The following ITPR1 variants were observed in gnomAD, a reference collection of about 807,000 sequenced individuals.
The protein encoded by ITPR1 is inositol 1,4,5-trisphosphate receptor type 1.
ITPR1 carries 96 observed loss-of-function variants against 318.4 expected under a neutral mutation model. That is an observed-to-expected ratio of 0.30 (90% CI 0.26 to 0.36). The LOEUF (loss-of-function observed/expected upper bound fraction) is 0.36, where lower values mean the gene tolerates loss of function less well. Ranked by LOEUF, ITPR1 falls within the 10% of genes least tolerant of loss-of-function variation. The probability of loss-of-function intolerance (pLI) is 1.00; values close to 1 mark genes in which losing one functional copy is unlikely to be tolerated. For missense variants in ITPR1, 2,440 were observed against 3,460.2 expected, an observed-to-expected ratio of 0.71 and a Z score of 7.40; for synonymous variants, 1,312 against 1,289.9, an observed-to-expected ratio of 1.02 and a Z score of -0.37.
chr3:4,770,323 G>A (rs1380993752), intron 46 of ITPR1, among the ~76,000 whole-genome samples: 1 of 152,158 alleles, frequency 6.6e-6, no homozygotes, highest in Non-Finnish European at 1.5e-5. Flanking sequence ...AAATTATATT[G>A]TTAATTAGTA....
chr3:4,711,820 A>C lies in ITPR1; in HGVS notation c.5055A>C (p.Leu1685=), dbSNP rs886058618. 5 of 1,551,820 alleles carry C rather than the reference A, an allele frequency of 3.2e-6. No individual in the cohort carries two copies. The East Asian group carries it at 1.2e-4, about 38-fold the overall frequency. The change falls in exon 39 of 62, where the codon CTA becomes CTC. Residue 1685 remains leucine (L), a synonymous_variant. Coordinates refer to ENST00000649015, the MANE Select transcript of ITPR1 (RefSeq NM_001378452.1). ...AAGAGAAGCTCTGCATTAAGGTCCT[A>C]CAGACCCTGAGGGAAATGATGACCA... ...ENEEKLCIKV[L]QTLREMMTKD...
At chr3:4,804,199 C>T (rs1267444149) in intron 54 of ITPR1, among the ~76,000 whole-genome samples, 1 of 152,106 alleles carries the variant, frequency 6.6e-6, no homozygotes, top group African/African-American at 2.4e-5. Context: ...GAGAGAAACA[C>T]CCACATGGAA....
intron 40 of ITPR1, among the ~76,000 whole-genome samples, chr3:4,721,752 C>T (rs1414844494): frequency 3.9e-5 from 6 of 152,030 alleles, no homozygotes; most frequent in Admixed American, 3.9e-4. Context: ...TTCTAGAAGC[C>T]CCAGGGTAGG....
chr3:4,597,154 T>C (rs2090894012), intron 4 of ITPR1, among the ~76,000 whole-genome samples: 1 of 152,184 alleles, frequency 6.6e-6, no homozygotes, highest in Admixed American at 6.5e-5. Context: ...TTGTTTGTTT[T>C]TTAAGGAAAA....
chr3:4,541,638 T>G (rs998165044), intron 4 of ITPR1, among the ~76,000 whole-genome samples: 1 of 152,172 alleles, frequency 6.6e-6, no homozygotes, highest in African/African-American at 2.4e-5. Flanking sequence ...ACCACTTTTT[T>G]TTTTTTGAGA....
At chr3:4,644,517 C>T (rs919114447) in intron 8 of ITPR1, among the ~76,000 whole-genome samples, 1 of 152,168 alleles carries the variant, frequency 6.6e-6, no homozygotes, top group Non-Finnish European at 1.5e-5. Flanking sequence ...GAGATGAACC[C>T]TTTTACTAAT....
intron 4 of ITPR1, among the ~76,000 whole-genome samples, chr3:4,614,678 C>G (rs1253753168): frequency 6.6e-6 from 1 of 152,190 alleles, no homozygotes. Context: ...GCATGACATG[C>G]AACTTGAGCT....
At chr3:4,808,603 G>A (rs977225288) in intron 55 of ITPR1, among the ~76,000 whole-genome samples, 6 of 152,168 alleles carry the variant, frequency 3.9e-5, no homozygotes, top group Admixed American at 2.6e-4. Context: ...ACCTTGACTT[G>A]TTTGTGTCTT....
At position 4,642,078 on chromosome 3, in the gene ITPR1, T is replaced by C; in HGVS notation, c.367-15T>C. On this transcript the variant is annotated splice_polypyrimidine_tract_variant and intron_variant, in intron 6 of 61. Transcript: ENST00000649015. Reference sequence around the variant, plus strand: ...ATTTGCTGACACTCACTTTATTCTCTTGGTGGGTTTTTAGCTCCTGCATTT... The same window carrying C: ...ATTTGCTGACACTCACTTTATTCTCCTGGTGGGTTTTTAGCTCCTGCATTT... 6.4e-7 allele frequency: 1 copy of C among 1,569,086 alleles called. No homozygotes were observed. Among genetic ancestry groups the C allele is most frequent in the Non-Finnish European group, 8.6e-7 (1 of 1,159,116 alleles).
At chr3:4,718,937 C>T (rs958974627) in intron 40 of ITPR1, among the ~76,000 whole-genome samples, 6 of 152,128 alleles carry the variant, frequency 3.9e-5, no homozygotes, top group Non-Finnish European at 7.3e-5. Flanking sequence ...TTAAATTTTT[C>T]CTCTGAAATA....
At chr3:4,837,099 C>A (rs1208367456) in intron 61 of ITPR1, among the ~76,000 whole-genome samples, 164 bp downstream of exon 61, 2 of 152,082 alleles carry the variant, frequency 1.3e-5, no homozygotes, top group Non-Finnish European at 2.9e-5. Flanking sequence ...GTCTCCTCAC[C>A]CCAATCCCCT....
intron 35 of ITPR1, 21 bp from the exon 36 acceptor site, chr3:4,702,809 G>C (rs754383198): frequency 1.2e-6 from 2 of 1,611,804 alleles, no homozygotes; most frequent in Non-Finnish European, 1.7e-6. Flanking sequence ...TTTTCACGTT[G>C]CCTCTTTTGG....
At chr3:4,655,941 G>C (rs554114679) in intron 12 of ITPR1, among the ~76,000 whole-genome samples, 1 of 152,278 alleles carries the variant, frequency 6.6e-6, no homozygotes, top group Non-Finnish European at 1.5e-5. Context: ...TCTTGGTTTG[G>C]AAACTTGGAT....
intron 8 of ITPR1, among the ~76,000 whole-genome samples, chr3:4,644,706 CTTCCTTG>C (rs1249990508): frequency 6.6e-6 from 1 of 152,194 alleles, no homozygotes; most frequent in African/African-American, 2.4e-5. Flanking sequence ...AAGGATGTTA[CTTCCTTG>C]TGACATAAAT....
At chr3:4,561,997 G>A (rs932180203) in intron 4 of ITPR1, among the ~76,000 whole-genome samples, 4 of 152,006 alleles carry the variant, frequency 2.6e-5, no homozygotes, top group Non-Finnish European at 4.4e-5. Context: ...TAAAACAGGG[G>A]TGTCCAATCT....
Position 4,661,155 on chromosome 3 carries a change from C to T in ITPR1, c.1251+68C>T, listed in dbSNP as rs1459004182. The T allele has an allele frequency of 1.3e-5, 12 of 891,136 alleles. No homozygotes were observed. In the East Asian group the frequency reaches 2.7e-4, roughly 20 times the overall value. 55.2% of individuals were successfully genotyped at this position (891,136 alleles called of 1,614,324 possible). On this transcript the variant is annotated intron_variant, in intron 14 of 61. Coordinates refer to ENST00000649015, the MANE Select transcript of ITPR1 (RefSeq NM_001378452.1). ...CCTAATGAAAGGGCTCCTTTGAGGA[C>T]AGATCAGGGAGTATGGAGCGTGGAG...
At chr3:4,680,923 C>T (rs1432066615) in intron 25 of ITPR1, among the ~76,000 whole-genome samples, 1 of 152,132 alleles carries the variant, frequency 6.6e-6, no homozygotes, top group African/African-American at 2.4e-5. Context: ...AGTGATGAGA[C>T]AGTTGAGGTT....
intron 51 of ITPR1, among the ~76,000 whole-genome samples, chr3:4,787,150 A>C (rs1048714028): frequency 6.6e-6 from 1 of 152,088 alleles, no homozygotes; most frequent in Non-Finnish European, 1.5e-5. Context: ...GAACCATTCC[A>C]TCATTACAGA....
At chr3:4,538,795 A>G (rs148545523) in intron 4 of ITPR1, among the ~76,000 whole-genome samples, 3,659 of 152,280 alleles carry the variant, frequency 0.024, 108 homozygotes, top group East Asian at 0.11. Flanking sequence ...CAAACATTGC[A>G]TGTTCTCACT....
Sources: allele counts gnomAD v4.1 joint callset (sites outside exome capture counted in the v4.1 genomes callset), GRCh38; gene constraint gnomAD v4.1.1; transcripts MANE v1.5; gene names NCBI Gene and HGNC (gene_info 2026-07-23, HGNC 2026-07-21).